PIP4K2A: variants seen among roughly 807,000 people sequenced by gnomAD.
PIP4K2A encodes the protein phosphatidylinositol-5-phosphate 4-kinase type 2 alpha.
A neutral mutation model predicts 42.9 loss-of-function variants in PIP4K2A; 14 were observed. The ratio of observed to expected loss-of-function variants is 0.33; its 90% confidence interval spans 0.22 to 0.51. PIP4K2A has a LOEUF of 0.51. Among genes scored for constraint, PIP4K2A ranks in the 20% least tolerant of loss-of-function variants. PIP4K2A has a pLI of 0.97. For missense variants in PIP4K2A, 434 were observed against 519.8 expected (o/e 0.83, Z 1.61); for synonymous variants, 192 against 192.2 (o/e 1.00, Z 0.01).
At chr10:22,548,060 T>C (rs1182681807) in intron 7 of PIP4K2A, among the ~76,000 whole-genome samples, 2 of 152,214 alleles carry the variant, frequency 1.3e-5, no homozygotes, top group Non-Finnish European at 2.9e-5. Flanking sequence ...GTCAGTCAGC[T>C]AAATTAGAAA....
At chr10:22,562,729 G>A (rs565850846) in intron 6 of PIP4K2A, among the ~76,000 whole-genome samples, 1 of 152,062 alleles carries the variant, frequency 6.6e-6, no homozygotes, top group Non-Finnish European at 1.5e-5. Context: ...TTCTCTTCTC[G>A]ACACGCTCCT....
intron 7 of PIP4K2A, 66 bp downstream of exon 7, chr10:22,550,593 G>A (rs1836385915): frequency 1.1e-6 from 1 of 874,546 alleles, no homozygotes; most frequent in Non-Finnish European, 1.9e-6. Flanking sequence ...GGTTTAAAAA[G>A]CTCCTAAAAC....
chr10:22,633,352 G>T (rs187398863), intron 1 of PIP4K2A, among the ~76,000 whole-genome samples: 1 of 152,348 alleles, frequency 6.6e-6, no homozygotes, highest in Admixed American at 6.5e-5. Context: ...ATGGGAGCTA[G>T]ATTAAACAAA....
intron 4 of PIP4K2A, among the ~76,000 whole-genome samples, chr10:22,581,985 G>A (rs554334304): frequency 2.0e-5 from 3 of 151,632 alleles, no homozygotes; most frequent in African/African-American, 7.3e-5. Context: ...GTGTGGTGGC[G>A]CATGCCTGTA....
chr10:22,567,844 T>C lies in PIP4K2A; in HGVS notation c.678+7A>G, dbSNP rs1041153541. 1 of 1,611,518 alleles carries C rather than the reference T, an allele frequency of 6.2e-7. No homozygotes were observed. The highest frequency in any genetic ancestry group is 1.3e-5 in the African/African-American group (1 of 74,886). On this transcript the variant is annotated splice_region_variant and intron_variant, in intron 6 of 9. Coordinates refer to ENST00000376573, the MANE Select transcript of PIP4K2A (RefSeq NM_005028.5). ...GGACATGGGGAGACATACAGCAAGG[T>C]ACTTACCTTTTCTTTGTCACTAGCT...
chr10:22,540,164 C>T, intron 8 of PIP4K2A, 90 bp from the exon 9 acceptor site: 1 of 774,304 alleles, frequency 1.3e-6, no homozygotes. Context: ...GAGAAGTGAG[C>T]CTGGAGGGAG....
intron 3 of PIP4K2A, among the ~76,000 whole-genome samples, chr10:22,601,387 T>G (rs1288575660): frequency 6.6e-6 from 1 of 152,092 alleles, no homozygotes; most frequent in African/African-American, 2.4e-5. Context: ...TAAACAGGAC[T>G]TGAAACAGTG....
chr10:22,607,312 G>A (rs117921170), intron 3 of PIP4K2A, among the ~76,000 whole-genome samples: 2,350 of 152,318 alleles, frequency 0.015, 31 homozygotes, highest in Middle Eastern at 0.027. Context: ...CCAGTGTGGG[G>A]AGGAGAGCAG....
chr10:22,699,459 C>T (rs935029567), intron 1 of PIP4K2A, among the ~76,000 whole-genome samples: 1 of 151,734 alleles, frequency 6.6e-6, no homozygotes, highest in South Asian at 2.1e-4. Context: ...TGCTGAGTAG[C>T]GCAGGGAGAC....
At chr10:22,588,109 A>G (rs1837438970) in intron 4 of PIP4K2A, among the ~76,000 whole-genome samples, 1 of 152,246 alleles carries the variant, frequency 6.6e-6, no homozygotes, top group African/African-American at 2.4e-5. Context: ...GCTGAGATGT[A>G]TATGAGTGGC....
At chr10:22,686,423 T>C (rs549266548) in intron 1 of PIP4K2A, among the ~76,000 whole-genome samples, 1 of 152,298 alleles carries the variant, frequency 6.6e-6, no homozygotes, top group African/African-American at 2.4e-5. Flanking sequence ...TTATACTAGG[T>C]TGAGAAGTCA....
intron 1 of PIP4K2A, among the ~76,000 whole-genome samples, chr10:22,656,556 C>G (rs111268567): frequency 1.3e-5 from 2 of 152,082 alleles, no homozygotes; most frequent in Non-Finnish European, 2.9e-5. Context: ...CCTGTAATCC[C>G]GGCACTTTGG....
chr10:22,665,212 G>A (rs533460576), intron 1 of PIP4K2A, among the ~76,000 whole-genome samples: 1 of 152,272 alleles, frequency 6.6e-6, no homozygotes, highest in Non-Finnish European at 1.5e-5. Context: ...ACAAGCCAAG[G>A]TGCGCAGCTT....
intron 6 of PIP4K2A, among the ~76,000 whole-genome samples, chr10:22,559,219 C>T (rs1219382013): frequency 6.6e-6 from 1 of 152,204 alleles, no homozygotes; most frequent in Non-Finnish European, 1.5e-5. Context: ...TTAAGAATTA[C>T]ACATCTGTAG....
At chr10:22,705,969 C>T (rs1833816114) in intron 1 of PIP4K2A, among the ~76,000 whole-genome samples, 1 of 151,946 alleles carries the variant, frequency 6.6e-6, no homozygotes, top group Non-Finnish European at 1.5e-5. Context: ...GAAGCAAACA[C>T]ATCCTTCTTC....
intron 1 of PIP4K2A, among the ~76,000 whole-genome samples, chr10:22,695,286 A>G (rs911708099): frequency 4.6e-5 from 7 of 152,240 alleles, no homozygotes; most frequent in Non-Finnish European, 1.0e-4. Context: ...ATAATTCAGT[A>G]GTACACACAG....
intron 5 of PIP4K2A, among the ~76,000 whole-genome samples, chr10:22,569,980 A>C (rs1017625844): frequency 6.6e-6 from 1 of 152,216 alleles, no homozygotes; most frequent in Non-Finnish European, 1.5e-5. Flanking sequence ...AAAGCAAGGC[A>C]AATTAAAACT....
intron 1 of PIP4K2A, among the ~76,000 whole-genome samples, chr10:22,637,862 G>C: frequency 6.6e-6 from 1 of 152,178 alleles, no homozygotes; most frequent in East Asian, 1.9e-4. Flanking sequence ...TACTTAAAAG[G>C]ATCTCAGCAA....
chr10:22,640,772 C>T (rs149352139), intron 1 of PIP4K2A, among the ~76,000 whole-genome samples: 4 of 152,134 alleles, frequency 2.6e-5, no homozygotes, highest in African/African-American at 9.6e-5. Flanking sequence ...TTTTGTATTC[C>T]CTAATGCAAA....
Sources: allele counts gnomAD v4.1 joint callset (sites outside exome capture counted in the v4.1 genomes callset), GRCh38; gene constraint gnomAD v4.1.1; transcripts MANE v1.5; gene names NCBI Gene and HGNC (gene_info 2026-07-23, HGNC 2026-07-21).